TIAM2: variants seen among roughly 807,000 people sequenced by gnomAD.
TIAM2 encodes the protein rho guanine nucleotide exchange factor TIAM2.
TIAM2 carries 80 observed loss-of-function variants against 152.9 expected under a neutral mutation model. The ratio of observed to expected loss-of-function variants is 0.52; its 90% confidence interval spans 0.44 to 0.63. The LOEUF is 0.63. Among genes scored for constraint, TIAM2 ranks in the 30% least tolerant of loss-of-function variants. The pLI is 0.00. For missense variants in TIAM2, 1,965 were observed against 2,120.1 expected (o/e 0.93, Z 1.44); for synonymous variants, 804 against 838.0 (o/e 0.96, Z 0.70).
chr6:155,071,886 ACT>A (rs1777846525), intron 1 of TIAM2, among the ~76,000 whole-genome samples: 2 of 144,684 alleles, frequency 1.4e-5, no homozygotes, highest in South Asian at 4.5e-4. Flanking sequence ...ACAGAGGGAA[ACT>A]CTGTGTCAAA....
Position 155,156,457 on chromosome 6 carries a change from C to G in TIAM2, c.2029-7958C>G, listed in dbSNP as rs938787800. 6.6e-6 allele frequency among the ~76,000 whole-genome samples: 1 copy of G among 152,120 alleles called. No individual in the cohort carries two copies. ...ATCACTTGAGGTCAGGAGTTCAAGA[C>G]TAGCCTGGCCAATGTGGTGAAACCC... On this transcript the variant is annotated intron_variant, in intron 7 of 26. Transcript: ENST00000682666. This position sits in a 1 kb window ranked among gnomAD's most constrained non-coding sequence, Gnocchi z 4.4.
At chr6:155,111,312 C>G (rs932263101) in intron 2 of TIAM2, among the ~76,000 whole-genome samples, 1 of 111,370 alleles carries the variant, frequency 9.0e-6, no homozygotes, top group Non-Finnish European at 1.8e-5. Flanking sequence ...CACACACACA[C>G]ACACACACAC....
chr6:155,180,020 C>T (rs1780860089), intron 12 of TIAM2, among the ~76,000 whole-genome samples: 1 of 152,240 alleles, frequency 6.6e-6, no homozygotes, highest in Non-Finnish European at 1.5e-5. Flanking sequence ...TGGCTCATGC[C>T]TGTAATCCCA....
At chr6:155,234,724 A>G (rs1212988745) in intron 15 of TIAM2, among the ~76,000 whole-genome samples, 1 of 152,210 alleles carries the variant, frequency 6.6e-6, no homozygotes, top group African/African-American at 2.4e-5. Flanking sequence ...CTTTTAAAGC[A>G]GCATTCCTGG....
intron 11 of TIAM2, 76 bp from the exon 12 acceptor site, chr6:155,179,302 A>ATT (rs1780835169): frequency 6.6e-7 from 1 of 1,526,466 alleles, no homozygotes; most frequent in South Asian, 1.1e-5. Flanking sequence ...TTGTTTTATG[A>ATT]AAAATAGTGT....
intron 15 of TIAM2, among the ~76,000 whole-genome samples, chr6:155,217,843 AAAAG>A (rs1443204444): frequency 1.3e-5 from 2 of 152,200 alleles, no homozygotes; most frequent in East Asian, 3.8e-4. Flanking sequence ...AGGCAGAAAA[AAAAG>A]AACGTGCACT....
intron 15 of TIAM2, among the ~76,000 whole-genome samples, chr6:155,239,347 T>A (rs1023998786): frequency 6.6e-6 from 1 of 152,172 alleles, no homozygotes; most frequent in African/African-American, 2.4e-5. Flanking sequence ...GCCGAGTACC[T>A]CCTGTGCTGG....
At chr6:155,013,917 TACACACACACACACACACACACACAC>T (rs3082347) in intron 1 of TIAM2, 2 of 145,310 alleles carry the variant, frequency 1.4e-5, no homozygotes, top group African/African-American at 2.6e-5. Flanking sequence ...TGTATCTGTC[TACACACACACACACACACACACACAC>T]ACACACACAC....
At chr6:155,241,962 G>A (rs1470120243) in intron 16 of TIAM2, among the ~76,000 whole-genome samples, 2 of 152,186 alleles carry the variant, frequency 1.3e-5, no homozygotes, top group Non-Finnish European at 2.9e-5. Flanking sequence ...GAGAATCGAT[G>A]TCCCTTTTTG....
At chr6:155,250,715 T>A (rs926443011) in intron 21 of TIAM2, 198 bp from the exon 22 acceptor site, 2 of 1,250,200 alleles carry the variant, frequency 1.6e-6, no homozygotes, top group African/African-American at 1.5e-5. Context: ...CACCTTTATG[T>A]TATTCATCAG....
At chr6:155,035,191 G>GT (rs72560664) in intron 1 of TIAM2, among the ~76,000 whole-genome samples, 29,110 of 149,930 alleles carry the variant, frequency 0.19, 3,098 homozygotes, top group East Asian at 0.38. Flanking sequence ...TTGTTTTGCT[G>GT]TTTTTTTTAT....
chr6:155,199,788 G>A (rs1270194487), intron 14 of TIAM2, among the ~76,000 whole-genome samples: 1 of 152,182 alleles, frequency 6.6e-6, no homozygotes, highest in African/African-American at 2.4e-5. Context: ...GGTAGAGAAC[G>A]TGTTTGTTAA....
chr6:155,172,055 C>G (rs1335746673), intron 9 of TIAM2, among the ~76,000 whole-genome samples: 1 of 152,142 alleles, frequency 6.6e-6, no homozygotes, highest in African/African-American at 2.4e-5. Context: ...AATTTTTTCT[C>G]CTTGCTGCAT....
intron 2 of TIAM2, among the ~76,000 whole-genome samples, chr6:155,114,036 A>ATATATATATATATATATATT: frequency 2.3e-4 from 8 of 34,896 alleles, no homozygotes; most frequent in African/African-American, 4.5e-4. Flanking sequence ...ATATATATAT[A>ATATATATATATATATATATT]TTTTTTTTTT....
intron 14 of TIAM2, among the ~76,000 whole-genome samples, chr6:155,185,490 TTTTATTTATTTATTTATTTATTTA>T (rs57784770): frequency 4.6e-4 from 67 of 146,056 alleles, no homozygotes; most frequent in South Asian, 1.6e-3. Context: ...GTTAAGCCAC[TTTTATTTATTTATTTATTTATTTA>T]TTTATTTATT....
chr6:155,208,873 C>T (rs1196660030), intron 14 of TIAM2, among the ~76,000 whole-genome samples: 1 of 152,048 alleles, frequency 6.6e-6, no homozygotes, highest in Non-Finnish European at 1.5e-5. Flanking sequence ...CATCTCTGCC[C>T]CACTCTGTGC....
Position 155,193,132 on chromosome 6 carries a change from C to T in TIAM2, c.3064+9632C>T, listed in dbSNP as rs115169978. Among the ~76,000 whole-genome samples the T allele has an allele frequency of 3.7e-3, 559 of 152,268 alleles. 2 individuals are homozygous for T. The highest frequency in any genetic ancestry group is 0.013 in the African/African-American group (532 of 41,562). On this transcript the variant is annotated intron_variant, in intron 14 of 26. Coordinates refer to ENST00000682666, the MANE Select transcript of TIAM2 (RefSeq NM_012454.4). ...TTAAAAATTACTTTCAGGCCAGTCA[C>T]GGTGGCTCACACCTGTAATCCCAGG... is the stretch of plus-strand genomic sequence containing the variant.
chr6:155,025,819 C>CAA (rs1388294878), intron 1 of TIAM2, among the ~76,000 whole-genome samples: 1 of 82,334 alleles, frequency 1.2e-5, no homozygotes, highest in Non-Finnish European at 2.4e-5. Flanking sequence ...ACCTCCCCCT[C>CAA]AAACACACAC....
intron 1 of TIAM2, among the ~76,000 whole-genome samples, chr6:155,030,472 C>T (rs1776802429): frequency 3.3e-5 from 5 of 152,202 alleles, no homozygotes; most frequent in African/African-American, 4.8e-5. Context: ...GATTTGACCT[C>T]GTCTGGTTGT....
Sources: gnomAD v4.1 joint callset for allele counts (sites outside exome capture counted in the v4.1 genomes callset) on GRCh38, gnomAD v4.1.1 for gene constraint, Gnocchi (gnomAD v3.1) non-coding constraint, MANE v1.5 for transcripts, NCBI Gene and HGNC (gene_info 2026-07-23, HGNC 2026-07-21) for gene names.